The following PRPS2 variants were observed in gnomAD, a reference collection of about 807,000 sequenced individuals.
The protein encoded by PRPS2 is phosphoribosyl pyrophosphate synthetase 2.
For missense variants in PRPS2, 104 were observed against 271.5 expected (o/e 0.38, Z 4.34); for synonymous variants, 111 against 115.3 (o/e 0.96, Z 0.24).
chrX:12,807,253 ATGC>A (rs1055921160), intron 2 of PRPS2, among the ~76,000 whole-genome samples: 4 of 111,646 alleles, frequency 3.6e-5, no homozygotes, highest in Non-Finnish European at 7.5e-5. Context: ...AGTTTGCAAA[ATGC>A]TGCCTGAAGC....
chrX:12,823,519 C>A lies in PRPS2; in HGVS notation c.*723C>A, dbSNP rs779504183. ...TAACTGTCACTTACCTGAAATGCTG[C>A]ATCCTAAAATTCCAAAATTATATTG... is the stretch of plus-strand genomic sequence containing the variant. On this transcript the variant is annotated 3_prime_UTR_variant, in exon 7 of 7. Transcript: ENST00000380668. 9.0e-6 allele frequency: 1 copy of A among 111,135 alleles called. No homozygotes were observed. The highest frequency in any genetic ancestry group is 3.8e-4 in the South Asian group (1 of 2,654). The allele number at this position is 111,135 out of a possible 1,213,427, so 9.2% of individuals were successfully genotyped here.
chrX:12,812,182 CTT>C (rs758906787), intron 4 of PRPS2, among the ~76,000 whole-genome samples: 2 of 112,226 alleles, frequency 1.8e-5, no homozygotes, highest in East Asian at 5.6e-4. Flanking sequence ...GACTTGGAAA[CTT>C]CTGCAAGTCA....
At chrX:12,807,183 G>A (rs2042597981) in intron 2 of PRPS2, among the ~76,000 whole-genome samples, 1 of 112,459 alleles carries the variant, frequency 8.9e-6, no homozygotes, top group Non-Finnish European at 1.9e-5. Context: ...TGTCTGGTAC[G>A]GGCTGCGTCC....
intron 6 of PRPS2, among the ~76,000 whole-genome samples, chrX:12,821,961 C>T (rs2042678443): frequency 9.1e-6 from 1 of 109,981 alleles, no homozygotes; most frequent in African/African-American, 3.3e-5. Flanking sequence ...CATGAAGGTG[C>T]ATCACAGTGA....
chrX:12,821,379 G>T (rs1485926931), intron 6 of PRPS2, among the ~76,000 whole-genome samples: 1 of 107,478 alleles, frequency 9.3e-6, no homozygotes, highest in Non-Finnish European at 1.9e-5. Context: ...TTGTGTTTCC[G>T]CTTCTAGGAG....
Position 12,815,779 on chromosome X carries a change from G to T in PRPS2, c.531-3728G>T, listed in dbSNP as rs765175708. 1.1e-4 allele frequency among the ~76,000 whole-genome samples: 12 copies of T among 111,051 alleles called. No individual in the cohort carries two copies. The East Asian group carries it at 1.4e-3, about 13-fold the overall frequency. ...CCGCCTCAGCCTCCCAAGTAGCTGG[G>T]GTTACAGGCAGCCACCATCATGCCC... On this transcript the variant is annotated intron_variant, in intron 4 of 6. Coordinates refer to ENST00000380668, the MANE Select transcript of PRPS2 (RefSeq NM_002765.5).
At chrX:12,812,424 C>T (rs769110297) in intron 4 of PRPS2, among the ~76,000 whole-genome samples, 1 of 111,571 alleles carries the variant, frequency 9.0e-6, no homozygotes, top group African/African-American at 3.3e-5. Context: ...GTCAGGAGTT[C>T]GAGACCAACC....
chrX:12,798,123 G>A lies in PRPS2; in HGVS notation c.123-1084G>A, dbSNP rs780078196. Among the ~76,000 whole-genome samples the A allele has an allele frequency of 5.4e-5, 6 of 111,961 alleles. No homozygotes were observed. In the South Asian group the frequency reaches 2.3e-3, roughly 42 times the overall value. The stretch of plus-strand genomic sequence containing the variant: ...GGGAGATTTTGATTGTTAGTGAAGG[G>A]TTTAGGGTGGAATCTGGATTCAGGA... On this transcript the variant is annotated intron_variant, in intron 1 of 6. Coordinates refer to ENST00000380668, the MANE Select transcript of PRPS2 (RefSeq NM_002765.5).
intron 1 of PRPS2, among the ~76,000 whole-genome samples, chrX:12,792,110 C>T (rs1249744906): frequency 8.9e-6 from 1 of 112,977 alleles, no homozygotes; most frequent in Admixed American, 9.2e-5. Context: ...GGTTTCCCCC[C>T]GTCCCCAACT....
rs142502838 is a variant in PRPS2, at chrX:12,820,767, G to A, written c.828G>A (p.Pro276=). 1.7e-4 allele frequency: 204 copies of A among 1,208,954 alleles called. No homozygotes were observed. The highest frequency in any genetic ancestry group is 1.1e-3 in the African/African-American group (60 of 56,981). The change falls in exon 6 of 7, where the codon CCG becomes CCA. Residue 276 remains proline, a synonymous_variant. Coordinates refer to ENST00000380668, the MANE Select transcript of PRPS2 (RefSeq NM_002765.5). Reference sequence around the variant, plus strand: ...CTGTTGTCGTCACAAACACAATTCCGCAAGAGGACAAAATGAAACACTGCA... The same window carrying A: ...CTGTTGTCGTCACAAACACAATTCCACAAGAGGACAAAATGAAACACTGCA... The part of the protein sequence containing the change: ...FEAVVVTNTI[P]QEDKMKHCTK...
chrX:12,819,575 A>G lies in PRPS2; in HGVS notation c.599A>G (p.Asn200Ser). 1 of 1,212,004 alleles carries G rather than the reference A, an allele frequency of 8.3e-7. No individual in the cohort carries two copies. Residue 200 changes from asparagine to serine, a missense_variant, in exon 5 of 7, where the codon AAT becomes AGT. Asn to Ser is a conservative substitution (Grantham distance 46). Transcript: ENST00000380668. Reference sequence around the variant, plus strand: ...ATCCACAAAGAGAGGAAGAAGGCGAATGAAGTGGACCGGATGGTCCTGGTG... The same window carrying G: ...ATCCACAAAGAGAGGAAGAAGGCGAGTGAAGTGGACCGGATGGTCCTGGTG... The part of the protein sequence containing the change: ...ALIHKERKKA[N>S]EVDRMVLVGD...
At chrX:12,805,935 T>C (rs890044392) in intron 2 of PRPS2, among the ~76,000 whole-genome samples, 1 of 111,665 alleles carries the variant, frequency 9.0e-6, no homozygotes, top group African/African-American at 3.3e-5. Flanking sequence ...TAGCCAGGCC[T>C]GGTGGCGTGT....
chrX:12,822,741 G>A lies in PRPS2; in HGVS notation c.902G>A (p.Arg301Gln). ...TCCATGATCTTGGCCGAAGCAATCC[G>A]AAGGACACACAATGGGGAATCCGTG... ...DISMILAEAIRRTHNGESVSY... is the reference protein window; with the variant it reads ...DISMILAEAIQRTHNGESVSY... The change falls in exon 7 of 7, where the codon CGA becomes CAA. Residue 301 changes from arginine to glutamine, a missense_variant. Coordinates refer to ENST00000380668, the MANE Select transcript of PRPS2 (RefSeq NM_002765.5). 8.3e-7 allele frequency: 1 copy of A among 1,211,660 alleles called. No individual in the cohort carries two copies. The highest frequency in any genetic ancestry group is 1.1e-6 in the Non-Finnish European group (1 of 895,400).
At chrX:12,807,645 C>T (rs1470658820) in intron 2 of PRPS2, among the ~76,000 whole-genome samples, 3 of 110,647 alleles carry the variant, frequency 2.7e-5, no homozygotes, top group Non-Finnish European at 5.7e-5. Flanking sequence ...TGTTCTGCTG[C>T]GAAAATTCGA....
At chrX:12,810,381 G>C (rs923415296) in intron 4 of PRPS2, 3 of 326,850 alleles carry the variant, frequency 9.2e-6, no homozygotes, top group South Asian at 1.5e-4. Context: ...GTATATATTG[G>C]TTTATTTGTT....
intron 4 of PRPS2, among the ~76,000 whole-genome samples, chrX:12,811,099 C>T (rs1386149476): frequency 8.9e-6 from 1 of 112,317 alleles, no homozygotes; most frequent in African/African-American, 3.2e-5. Flanking sequence ...TCGGTGAGTG[C>T]TCCCTGCTCA....
At chrX:12,798,919 G>A (rs1410680538) in intron 1 of PRPS2, among the ~76,000 whole-genome samples, 2 of 111,927 alleles carry the variant, frequency 1.8e-5, no homozygotes, top group Admixed American at 9.4e-5. Flanking sequence ...CCCTTCACAC[G>A]TGTTGTCACA....
At chrX:12,813,992 T>C (rs2042635832) in intron 4 of PRPS2, among the ~76,000 whole-genome samples, 1 of 111,016 alleles carries the variant, frequency 9.0e-6, no homozygotes, top group South Asian at 3.8e-4. Flanking sequence ...TATTTTTTTC[T>C]TTTTTAATGT....
intron 1 of PRPS2, 54 bp from the exon 2 acceptor site, chrX:12,799,153 G>A (rs946844684): frequency 1.6e-4 from 185 of 1,145,498 alleles, no homozygotes; most frequent in Middle Eastern, 7.3e-4. Context: ...TCTCAGGGAC[G>A]CCCAAGATGC....
Sources: gnomAD v4.1 joint callset for allele counts (sites outside exome capture counted in the v4.1 genomes callset) on GRCh38, gnomAD v4.1.1 for gene constraint, MANE v1.5 for transcripts, NCBI Gene and HGNC (gene_info 2026-07-23, HGNC 2026-07-21) for gene names.